DLGAP2: variants seen among roughly 807,000 people sequenced by gnomAD.
DLGAP2 encodes the protein DLG associated protein 2, also known as disks large-associated protein 2.
Under a neutral mutation model 100.3 loss-of-function variants are expected in DLGAP2, and 26 were observed. The ratio of observed to expected loss-of-function variants is 0.26; its 90% confidence interval spans 0.19 to 0.36. The LOEUF is 0.36. DLGAP2 is among the 10% of genes least tolerant of loss of function. DLGAP2 has a pLI of 1.00. For synonymous variants in DLGAP2, 886 were observed against 630.1 expected, an observed-to-expected ratio of 1.41 and a Z score of -6.08; for missense variants, 1,858 against 1,453.2, an observed-to-expected ratio of 1.28 and a Z score of -4.53.
chr8:1,257,617 C>T (rs78453261), intron 2 of DLGAP2, among the ~76,000 whole-genome samples: 3 of 152,210 alleles, frequency 2.0e-5, no homozygotes, highest in African/African-American at 7.2e-5. Flanking sequence ...CGGGCTGTCA[C>T]GCTGGATGGC....
intron 3 of DLGAP2, among the ~76,000 whole-genome samples, chr8:1,469,374 C>G (rs1452227684): frequency 1.3e-5 from 2 of 152,234 alleles, no homozygotes; most frequent in East Asian, 3.9e-4. Flanking sequence ...CTCCTAGGAG[C>G]CGGCTGTTAA....
At chr8:1,662,080 A>G (rs1162999522) in intron 8 of DLGAP2, among the ~76,000 whole-genome samples, 1 of 152,254 alleles carries the variant, frequency 6.6e-6, no homozygotes, top group Non-Finnish European at 1.5e-5. Flanking sequence ...TCTTCCGCCC[A>G]TAGGTCATGA....
At chr8:797,455 G>T (rs943441374) in intron 1 of DLGAP2, among the ~76,000 whole-genome samples, 1 of 152,204 alleles carries the variant, frequency 6.6e-6, no homozygotes, top group South Asian at 2.1e-4. Flanking sequence ...CCATTCTCTG[G>T]ATGGACTCCT....
intron 3 of DLGAP2, among the ~76,000 whole-genome samples, chr8:1,318,596 T>C (rs1451522413): frequency 1.3e-5 from 2 of 151,666 alleles, no homozygotes; most frequent in Non-Finnish European, 2.9e-5. Flanking sequence ...GGGGAACAGA[T>C]TCCCCCGCCG....
intron 8 of DLGAP2, among the ~76,000 whole-genome samples, chr8:1,639,373 T>C (rs1359366310): frequency 6.6e-6 from 1 of 152,150 alleles, no homozygotes; most frequent in Non-Finnish European, 1.5e-5. Context: ...AGGCTGTCCC[T>C]GGGTCTTGGC....
At chr8:828,696 A>G (rs1796726815) in intron 1 of DLGAP2, among the ~76,000 whole-genome samples, 1 of 152,198 alleles carries the variant, frequency 6.6e-6, no homozygotes, top group Admixed American at 6.5e-5. Context: ...CTGATTGGGG[A>G]AGTGATAAGT....
rs573059118 is a variant in DLGAP2, at chr8:1,462,689, G to A, written c.107-38677G>A. ...TCCAGGACTCAGGCTGCCAGCGTGG[G>A]TGGCTGGGGAAGGGGAAGGGACCAG... On this transcript the variant is annotated intron_variant, in intron 3 of 14. Transcript: ENST00000637795. 2.0e-5 allele frequency among the ~76,000 whole-genome samples: 3 copies of A among 152,282 alleles called. 1 individual carries two copies. In the South Asian group the frequency reaches 6.2e-4, roughly 32 times the overall value.
At chr8:1,252,422 C>T (rs948773621) in intron 2 of DLGAP2, among the ~76,000 whole-genome samples, 2 of 152,092 alleles carry the variant, frequency 1.3e-5, no homozygotes, top group Non-Finnish European at 2.9e-5. Flanking sequence ...GTGTCACAGT[C>T]ATGTCATGCC....
At chr8:1,072,797 C>T (rs7816727) in intron 2 of DLGAP2, among the ~76,000 whole-genome samples, 6 of 152,156 alleles carry the variant, frequency 3.9e-5, no homozygotes, top group African/African-American at 1.4e-4. Flanking sequence ...GTTTGTTAGG[C>T]ACGTACCTGG....
intron 2 of DLGAP2, among the ~76,000 whole-genome samples, chr8:912,670 A>G (rs575777398): frequency 8.8e-6 from 1 of 113,078 alleles, no homozygotes; most frequent in Non-Finnish European, 1.9e-5. Flanking sequence ...CCATCTTCCT[A>G]TCTGTGGAGC....
chr8:1,037,053 C>T (rs553281588), intron 2 of DLGAP2, among the ~76,000 whole-genome samples: 6 of 152,238 alleles, frequency 3.9e-5, no homozygotes, highest in South Asian at 2.1e-4. Context: ...GATGGAGGAG[C>T]TCCCTCATGG....
At chr8:1,542,845 G>T (rs1481665070) in intron 4 of DLGAP2, among the ~76,000 whole-genome samples, 20 of 152,110 alleles carry the variant, frequency 1.3e-4, no homozygotes, top group African/African-American at 2.4e-5. Context: ...AGCGTGCGAG[G>T]TTCCAGTTTC....
chr8:1,572,569 G>GT (rs1441120839), intron 6 of DLGAP2, among the ~76,000 whole-genome samples: 5 of 134,396 alleles, frequency 3.7e-5, no homozygotes, highest in African/African-American at 5.6e-5. Flanking sequence ...AGGAGAGAGG[G>GT]TGAACTGTGG....
intron 2 of DLGAP2, among the ~76,000 whole-genome samples, chr8:1,053,030 G>A (rs1158196603): frequency 6.6e-6 from 1 of 152,204 alleles, no homozygotes; most frequent in Non-Finnish European, 1.5e-5. Context: ...AGTTGCTGTA[G>A]GATGTTCAGC....
At chr8:1,243,023 A>C (rs73529864) in intron 2 of DLGAP2, among the ~76,000 whole-genome samples, 9,638 of 152,090 alleles carry the variant, frequency 0.063, 983 homozygotes, top group African/African-American at 0.21. Flanking sequence ...ATTCCTGACC[A>C]CCTTCCCTAG....
rs531859976 is a variant in DLGAP2 at position 1,669,041 on chromosome 8, G to C, written c.2160+363G>C. On this transcript the variant is annotated intron_variant, in intron 9 of 14. Coordinates refer to ENST00000637795, the MANE Select transcript of DLGAP2 (RefSeq NM_001346810.2). ...TGATGCTTTAAAGGGGAGGGTTTCT[G>C]TTGAAGTCTGATTTTTCAAAAGCTT... Among the ~76,000 whole-genome samples, 4 of 152,340 alleles carry C rather than the reference G, an allele frequency of 2.6e-5. No individual in the cohort carries two copies. In the South Asian group the frequency reaches 8.3e-4, roughly 32 times the overall value.
At chr8:1,465,038 A>G (rs1010232780) in intron 3 of DLGAP2, among the ~76,000 whole-genome samples, 3 of 152,160 alleles carry the variant, frequency 2.0e-5, no homozygotes, top group Admixed American at 2.0e-4. Context: ...CCCACCACCC[A>G]GCAGGTGACC....
intron 2 of DLGAP2, among the ~76,000 whole-genome samples, chr8:1,179,169 A>G (rs1310544175): frequency 6.6e-6 from 1 of 152,270 alleles, no homozygotes. Context: ...TAATCCCTCA[A>G]GTGCCCAAAG....
chr8:830,310 A>G (rs927140244), intron 1 of DLGAP2, among the ~76,000 whole-genome samples: 1 of 152,196 alleles, frequency 6.6e-6, no homozygotes, highest in African/African-American at 2.4e-5. Context: ...AAACAATCCA[A>G]TTATACCCTT....
Sources: allele counts gnomAD v4.1 joint callset (sites outside exome capture counted in the v4.1 genomes callset), GRCh38; gene constraint gnomAD v4.1.1; transcripts MANE v1.5; gene names NCBI Gene and HGNC (gene_info 2026-07-23, HGNC 2026-07-21).